The following PLD1 variants were observed in gnomAD, a reference collection of about 807,000 sequenced individuals.
PLD1 encodes the protein choline phosphatase 1.
Under a neutral mutation model 137.1 loss-of-function variants are expected in PLD1, and 112 were observed. That is an observed-to-expected ratio of 0.82 (90% CI 0.70 to 0.96). The LOEUF (loss-of-function observed/expected upper bound fraction) is 0.96, where lower values mean the gene tolerates loss of function less well. PLD1 is among the 40% of genes least tolerant of loss of function. The pLI is 0.00. For missense variants in PLD1, 1,321 were observed against 1,342.0 expected (o/e 0.98, Z 0.24); for synonymous variants, 431 against 454.7 (o/e 0.95, Z 0.66).
At chr3:171,732,268 C>T (rs1276771801) in intron 6 of PLD1, among the ~76,000 whole-genome samples, 1 of 152,154 alleles carries the variant, frequency 6.6e-6, no homozygotes, top group Non-Finnish European at 1.5e-5. Flanking sequence ...AAAGAAACCC[C>T]TGCCTCCCAT....
At chr3:171,737,232 AG>A (rs1560264819) in intron 3 of PLD1, among the ~76,000 whole-genome samples, 1 of 152,248 alleles carries the variant, frequency 6.6e-6, no homozygotes, top group Non-Finnish European at 1.5e-5. Flanking sequence ...AAAACTGGGG[AG>A]AGAAGAAGAT....
Position 171,620,718 on chromosome 3 carries a change from TTCTCTC to T in PLD1, c.2594-204_2594-199del, listed in dbSNP as rs369273677. ...TTTCATATTGTCAGTCTGAATGGCT[TTCTCTC>T]TCTCTCTCTCTCTCTCTCTATATAT... On this transcript the variant is annotated intron_variant, in intron 23 of 26. Transcript: ENST00000351298. 4.3e-3 allele frequency among the ~76,000 whole-genome samples: 450 copies of T among 104,156 alleles called. 2 individuals are homozygous for T. The highest frequency in any genetic ancestry group is 0.014 in the African/African-American group (390 of 27,900). 68.3% of individuals were successfully genotyped at this position (104,156 alleles called of 152,430 possible). A position where few individuals can be genotyped will look rare whatever the true frequency, so the allele number is the denominator to read the frequency against.
chr3:171,746,340 C>T (rs1720176000), intron 1 of PLD1, among the ~76,000 whole-genome samples: 2 of 152,230 alleles, frequency 1.3e-5, no homozygotes, highest in Admixed American at 1.3e-4. Context: ...AGCTGGGCTC[C>T]TAAGTTGGGT....
intron 23 of PLD1, among the ~76,000 whole-genome samples, chr3:171,625,219 A>C (rs567525117): frequency 6.6e-6 from 1 of 152,334 alleles, no homozygotes; most frequent in Admixed American, 6.5e-5. Context: ...CATGGCTTGG[A>C]GGCTCCCACG....
intron 1 of PLD1, among the ~76,000 whole-genome samples, chr3:171,744,015 C>T (rs570242272): frequency 8.5e-4 from 130 of 152,304 alleles, no homozygotes; most frequent in Middle Eastern, 3.4e-3. Context: ...ATGTAGAAGC[C>T]TTCTGGTTGA....
chr3:171,611,974 C>T (rs1052394741), intron 25 of PLD1, among the ~76,000 whole-genome samples: 2 of 152,010 alleles, frequency 1.3e-5, no homozygotes, highest in South Asian at 2.1e-4. Context: ...CCCAGCTACT[C>T]GGAATGCTGA....
At chr3:171,764,888 AAAGAAAGGAAGGAAGGAAGGAAG>A (rs201928266) in intron 1 of PLD1, among the ~76,000 whole-genome samples, 290 of 21,230 alleles carry the variant, frequency 0.014, 36 homozygotes, top group Middle Eastern at 0.028. Flanking sequence ...AGAAAGAAAG[AAAGAAAGGAAGGAAGGAAGGAAG>A]GAAAGAAAGA....
Position 171,674,624 on chromosome 3 carries a change from G to A in PLD1, c.2116-11C>T. 1 of 1,344,782 alleles carries A rather than the reference G, an allele frequency of 7.4e-7. No homozygotes were observed. The highest frequency in any genetic ancestry group is 1.1e-6 in the Non-Finnish European group (1 of 943,470). 83.3% of individuals were successfully genotyped at this position (1,344,782 alleles called of 1,614,324 possible). ...TTTTGATTTCATAATCTAAAATAAA[G>A]AAAAAGGATAAAATATTCAAATGAG... On this transcript the variant is annotated splice_polypyrimidine_tract_variant and intron_variant, in intron 18 of 26. Coordinates refer to ENST00000351298, the MANE Select transcript of PLD1 (RefSeq NM_002662.5).
chr3:171,770,563 C>A (rs1477748026), intron 1 of PLD1, among the ~76,000 whole-genome samples: 1 of 151,890 alleles, frequency 6.6e-6, no homozygotes, highest in Non-Finnish European at 1.5e-5. Context: ...AGGTCTAGTG[C>A]GACGACACAA....
chr3:171,711,317 C>G (rs562604044), intron 9 of PLD1, among the ~76,000 whole-genome samples: 3 of 151,504 alleles, frequency 2.0e-5, no homozygotes, highest in South Asian at 2.1e-4. Flanking sequence ...ACTACAGGCG[C>G]GCACCATCAT....
At chr3:171,637,361 G>A (rs944976955) in intron 23 of PLD1, among the ~76,000 whole-genome samples, 3 of 151,966 alleles carry the variant, frequency 2.0e-5, no homozygotes, top group Non-Finnish European at 4.4e-5. Context: ...TCAGCCTCCC[G>A]AGTAGCTGGG....
At chr3:171,743,202 A>G (rs985290060) in intron 1 of PLD1, among the ~76,000 whole-genome samples, 1 of 152,246 alleles carries the variant, frequency 6.6e-6, no homozygotes, top group Admixed American at 6.5e-5. Context: ...GGCAAAAATC[A>G]TCTTGGTTGC....
intron 21 of PLD1, among the ~76,000 whole-genome samples, chr3:171,645,883 C>CAAAAAAAAAAAAAA (rs1162718346): frequency 3.4e-5 from 2 of 59,204 alleles, no homozygotes; most frequent in Non-Finnish European, 6.8e-5. Context: ...GACTCCATCT[C>CAAAAAAAAAAAAAA]AAAAAAAAAA....
intron 21 of PLD1, chr3:171,654,300 CAAAAAAAA>C: frequency 6.4e-5 from 7 of 109,960 alleles, no homozygotes; most frequent in South Asian, 3.0e-4. Flanking sequence ...AAGACTGTCT[CAAAAAAAA>C]AAAAAAAAAA....
intron 6 of PLD1, among the ~76,000 whole-genome samples, chr3:171,731,256 A>G (rs1055307325): frequency 1.4e-4 from 22 of 152,238 alleles, no homozygotes; most frequent in African/African-American, 5.1e-4. Flanking sequence ...CAGACAGTAA[A>G]GCATTTTTTA....
chr3:171,685,738 G>A (rs1016021751), intron 16 of PLD1, among the ~76,000 whole-genome samples: 6 of 152,116 alleles, frequency 3.9e-5, no homozygotes, highest in Admixed American at 3.3e-4. Flanking sequence ...AATTCCTCGA[G>A]TATCTGGAGT....
chr3:171,713,677 C>T (rs954322978), intron 9 of PLD1, among the ~76,000 whole-genome samples: 5 of 152,122 alleles, frequency 3.3e-5, no homozygotes, highest in Non-Finnish European at 5.9e-5. Flanking sequence ...CATAGGCAAA[C>T]ATCTACATAT....
chr3:171,686,837 T>C (rs1306613380), intron 15 of PLD1, 39 bp from the exon 16 acceptor site: 2 of 1,033,770 alleles, frequency 1.9e-6, no homozygotes, highest in Non-Finnish European at 1.5e-6. Context: ...AAAATACAAA[T>C]ATCAAATTTT....
chr3:171,708,916 A>T, intron 10 of PLD1, 78 bp from the exon 11 acceptor site: 1 of 861,632 alleles, frequency 1.2e-6, no homozygotes, highest in East Asian at 2.5e-5. Context: ...AAAGCAAAAC[A>T]TGGAAGCCAC....
Sources: gnomAD v4.1 joint callset for allele counts (sites outside exome capture counted in the v4.1 genomes callset) on GRCh38, gnomAD v4.1.1 for gene constraint, MANE v1.5 for transcripts, NCBI Gene and HGNC (gene_info 2026-07-23, HGNC 2026-07-21) for gene names.